Variants in PTPRD observed in about 807,000 individuals in gnomAD.
The protein encoded by PTPRD is protein tyrosine phosphatase receptor type D.
PTPRD carries 34 observed loss-of-function variants against 214.5 expected under a neutral mutation model. The ratio of observed to expected loss-of-function variants is 0.16; its 90% CI spans 0.12 to 0.21. PTPRD has a LOEUF of 0.21. Ranked by LOEUF, PTPRD falls within the 10% of genes least tolerant of loss-of-function variation. The pLI, the probability that PTPRD is intolerant of heterozygous loss-of-function variation, is 1.00. For synonymous variants in PTPRD, 1,128 were observed against 845.7 expected (o/e 1.33, Z -5.79); for missense variants, 2,545 against 2,398.7 (o/e 1.06, Z -1.27).
intron 9 of PTPRD, among the ~76,000 whole-genome samples, chr9:9,343,474 G>C (rs901669680): frequency 3.3e-5 from 5 of 152,166 alleles, no homozygotes; most frequent in African/African-American, 1.2e-4. Context: ...CTAATGACCA[G>C]TGATGATGAG....
At chr9:9,321,922 C>T (rs930828818) in intron 9 of PTPRD, among the ~76,000 whole-genome samples, 2 of 152,142 alleles carry the variant, frequency 1.3e-5, no homozygotes, top group African/African-American at 4.8e-5. Context: ...GATTGAGGTA[C>T]TTTATCGCTC....
chr9:9,127,413 T>C (rs868744696), intron 10 of PTPRD, among the ~76,000 whole-genome samples: 1 of 152,148 alleles, frequency 6.6e-6, no homozygotes, highest in Non-Finnish European at 1.5e-5. Flanking sequence ...AGTGTAAGTA[T>C]GAAGAGAAAT....
chr9:10,019,260 TA>T (rs1422312262), intron 4 of PTPRD, among the ~76,000 whole-genome samples: 3 of 152,110 alleles, frequency 2.0e-5, no homozygotes. Flanking sequence ...TGGCGATCAT[TA>T]AAAAGTCAGG....
chr9:9,116,933 G>C (rs2099812906), intron 10 of PTPRD, among the ~76,000 whole-genome samples: 1 of 152,090 alleles, frequency 6.6e-6, no homozygotes, highest in African/African-American at 2.4e-5. Context: ...TACCATGCCT[G>C]ACCCATAGTA....
chr9:9,203,735 G>A (rs376878742), intron 9 of PTPRD, among the ~76,000 whole-genome samples: 1 of 152,120 alleles, frequency 6.6e-6, no homozygotes, highest in South Asian at 2.1e-4. Flanking sequence ...TGTTTTTGCA[G>A]TTTCTGATGT....
At chr9:8,363,338 C>A (rs573420548) in intron 39 of PTPRD, among the ~76,000 whole-genome samples, 1 of 152,258 alleles carries the variant, frequency 6.6e-6, no homozygotes, top group Admixed American at 6.5e-5. Context: ...GCTTCAGTGA[C>A]AAGGAGGAGC....
chr9:9,567,819 C>T (rs543724091), intron 8 of PTPRD, among the ~76,000 whole-genome samples: 13 of 151,912 alleles, frequency 8.6e-5, no homozygotes, highest in Non-Finnish European at 1.8e-4. Context: ...AGTAAATGAT[C>T]CTTATAGGCT....
intron 10 of PTPRD, among the ~76,000 whole-genome samples, chr9:9,138,054 G>C (rs1473909030): frequency 6.6e-6 from 1 of 152,114 alleles, no homozygotes; most frequent in South Asian, 2.1e-4. Context: ...ATACTACATA[G>C]ATCTGTCTGA....
intron 3 of PTPRD, among the ~76,000 whole-genome samples, chr9:10,214,900 C>A (rs1172199444): frequency 6.6e-6 from 1 of 151,992 alleles, no homozygotes; most frequent in Non-Finnish European, 1.5e-5. Flanking sequence ...TAAGGGGATT[C>A]ATACATCTTG....
intron 7 of PTPRD, among the ~76,000 whole-genome samples, chr9:9,575,716 T>A (rs1297298724): frequency 1.3e-4 from 1 of 7,542 alleles, no homozygotes; most frequent in African/African-American, 6.4e-4. Flanking sequence ...CAAGACTGTC[T>A]CAAAAAAAAA....
Position 9,685,604 on chromosome 9 carries a change from T to C in PTPRD, c.-287+48929A>G, listed in dbSNP as rs560836148. Among the ~76,000 whole-genome samples the C allele has an allele frequency of 8.9e-4, 134 of 151,388 alleles. 1 individual carries two copies. The highest frequency in any genetic ancestry group is 2.6e-3 in the African/African-American group (108 of 41,436). On this transcript the variant is annotated intron_variant, in intron 7 of 45. Coordinates refer to ENST00000381196, the MANE Select transcript of PTPRD (RefSeq NM_002839.4). ...AAATCAAAATATTCAGACACCCTCA[T>C]TGAATTAAAGAAACAAGGAAAAGTA...
chr9:9,593,692 G>A (rs1290623895), intron 7 of PTPRD, among the ~76,000 whole-genome samples: 2 of 151,996 alleles, frequency 1.3e-5, no homozygotes, highest in Non-Finnish European at 2.9e-5. Flanking sequence ...AGAACTAGGG[G>A]AGAACCAAAG....
intron 11 of PTPRD, among the ~76,000 whole-genome samples, chr9:8,814,334 G>A (rs755484937): frequency 6.6e-6 from 1 of 151,760 alleles, no homozygotes; most frequent in African/African-American, 2.4e-5. Context: ...GAGGGCAGAC[G>A]GCAAGACTAA....
rs909164829 is a variant in PTPRD at position 8,437,833 on chromosome 9, T to C, written c.3989-1144A>G. ...GCCAGCGGAAGATATAGTAATTTCATAGATTCCATGAAAAATAATCCACTA... is the reference window on the plus strand; with the variant it reads ...GCCAGCGGAAGATATAGTAATTTCACAGATTCCATGAAAAATAATCCACTA... On this transcript the variant is annotated intron_variant, in intron 34 of 45. Transcript: ENST00000381196. Among the ~76,000 whole-genome samples the C allele has an allele frequency of 2.6e-5, 4 of 152,198 alleles. No individual in the cohort carries two copies. The East Asian group carries it at 5.8e-4, about 22-fold the overall frequency.
intron 3 of PTPRD, among the ~76,000 whole-genome samples, chr9:10,202,671 G>GAGATATATATATATATATATATATAT (rs376695815): frequency 8.8e-5 from 10 of 113,112 alleles, no homozygotes; most frequent in African/African-American, 3.2e-4. Flanking sequence ...AAATTATATG[G>GAGATATATATATATATATATATATAT]ATATATATAT....
chr9:9,231,106 C>T (rs371915549), intron 9 of PTPRD, among the ~76,000 whole-genome samples: 6 of 151,862 alleles, frequency 4.0e-5, no homozygotes, highest in African/African-American at 1.5e-4. Context: ...GTTAAAATGC[C>T]CGATTTTCAT....
chr9:9,756,756 G>C (rs1174155416), intron 6 of PTPRD, among the ~76,000 whole-genome samples: 1 of 152,104 alleles, frequency 6.6e-6, no homozygotes, highest in Non-Finnish European at 1.5e-5. Context: ...AAAATTAGTA[G>C]AGCAAGCAAT....
chr9:10,116,117 A>G (rs1315750216), intron 3 of PTPRD, among the ~76,000 whole-genome samples: 1 of 152,132 alleles, frequency 6.6e-6, no homozygotes, highest in East Asian at 1.9e-4. Context: ...CAACATAAAC[A>G]AAAACATAAT....
chr9:8,929,755 AT>A (rs2098933218), intron 11 of PTPRD, among the ~76,000 whole-genome samples: 1 of 58,080 alleles, frequency 1.7e-5, no homozygotes, highest in East Asian at 4.5e-4. Flanking sequence ...GTATATATAT[AT>A]GTATATATAT....
Sources: allele counts gnomAD v4.1 joint callset (sites outside exome capture counted in the v4.1 genomes callset), GRCh38; gene constraint gnomAD v4.1.1; transcripts MANE v1.5; gene names NCBI Gene and HGNC (gene_info 2026-07-23, HGNC 2026-07-21).